Variants in ODAD4 observed in about 807,000 individuals in gnomAD.
ODAD4 encodes outer dynein arm docking complex subunit 4.
ODAD4 carries 49 observed loss-of-function variants against 51.8 expected under a neutral mutation model. That is an observed-to-expected ratio of 0.95 (90% CI 0.75 to 1.20). ODAD4 has a LOEUF of 1.20. Ranked by LOEUF, ODAD4 falls within the 50% of genes most tolerant of loss-of-function variation. The pLI is 0.00. For missense variants in ODAD4, 590 were observed against 586.5 expected (o/e 1.01, Z -0.06); for synonymous variants, 235 against 221.3 (o/e 1.06, Z -0.55).
chr17:41,958,820 T>A (rs576941488), intron 10 of ODAD4, among the ~76,000 whole-genome samples: 8 of 151,542 alleles, frequency 5.3e-5, no homozygotes, highest in African/African-American at 1.9e-4. Flanking sequence ...GTCAGGAGAT[T>A]GAGACCATCC....
intron 6 of ODAD4, 79 bp downstream of exon 6, chr17:41,938,860 C>G (rs985201078): frequency 5.1e-6 from 8 of 1,567,102 alleles, no homozygotes; most frequent in African/African-American, 1.4e-5. Context: ...GGTGTCTGAG[C>G]CCCTGGTCTC....
chr17:41,956,421 G>C (rs1337881881), intron 10 of ODAD4, among the ~76,000 whole-genome samples: 2 of 149,520 alleles, frequency 1.3e-5, no homozygotes, highest in Non-Finnish European at 3.0e-5. Context: ...CCTGACCTTA[G>C]GTGATCTGCC....
intron 2 of ODAD4, 117 bp downstream of exon 2, chr17:41,935,465 T>A: frequency 6.6e-7 from 1 of 1,512,982 alleles, no homozygotes; most frequent in Non-Finnish European, 8.9e-7. Flanking sequence ...CATTTTCTCT[T>A]CCTAGGTCAT....
rs199823863 is a variant in ODAD4 at position 41,936,888 on chromosome 17, G to A, written c.586G>A (p.Val196Met). 1.6e-4 allele frequency: 264 copies of A among 1,613,862 alleles called. No homozygotes were observed. Among genetic ancestry groups the A allele is most frequent in the Non-Finnish European group, 1.5e-4 (178 of 1,179,906 alleles). ...CCGCCAGCTTCTGGGGGAGCTCTAC[G>A]TGGACAAAGAGTATTTGGAGAAGCT... is the stretch of plus-strand genomic sequence containing the variant. The part of the protein sequence containing the change: ...TVRQLLGELY[V>M]DKEYLEKLLL... Residue 196 changes from valine to methionine, a missense_variant, in exon 5 of 12, where the codon GTG (valine) becomes ATG (methionine). Physicochemically the swap from Val to Met is conservative, Grantham distance 21. Around this residue, in one of 3 missense-constraint regions of ODAD4, gnomAD observed 360 missense variants for 407.5 expected, o/e 0.88. Transcript: ENST00000377540.
intron 8 of ODAD4, among the ~76,000 whole-genome samples, chr17:41,947,007 C>T (rs532221146): frequency 5.9e-5 from 9 of 151,968 alleles, no homozygotes; most frequent in African/African-American, 1.7e-4. Flanking sequence ...CCCGCCACCA[C>T]GCCTGGCTAA....
At chr17:41,947,656 G>T (rs2050605872) in intron 8 of ODAD4, among the ~76,000 whole-genome samples, 1 of 148,248 alleles carries the variant, frequency 6.7e-6, no homozygotes, top group African/African-American at 2.5e-5. Flanking sequence ...TTAGCCAGGC[G>T]TGGTGGCACA....
intron 10 of ODAD4, among the ~76,000 whole-genome samples, chr17:41,960,774 T>C (rs1555641597): frequency 6.6e-6 from 1 of 151,824 alleles, no homozygotes; most frequent in Non-Finnish European, 1.5e-5. Flanking sequence ...CACAAGAGAG[T>C]GCATCCAGGC....
chr17:41,939,704 C>G (rs1555638448), intron 7 of ODAD4, among the ~76,000 whole-genome samples: 1 of 152,144 alleles, frequency 6.6e-6, no homozygotes, highest in East Asian at 1.9e-4. Context: ...GTACTTAAGC[C>G]TGGAGAGCAC....
intron 9 of ODAD4, among the ~76,000 whole-genome samples, chr17:41,954,634 C>T (rs2050703407): frequency 6.6e-6 from 1 of 151,962 alleles, no homozygotes; most frequent in Non-Finnish European, 1.5e-5. Context: ...GGTGGATCAC[C>T]TGAGGTCAGG....
rs782737169 is a variant in ODAD4, at chr17:41,945,232, CA to C, written c.1145+12del. The C allele has an allele frequency of 6.2e-6, 10 of 1,603,600 alleles. No individual in the cohort carries two copies. The East Asian group carries it at 2.2e-4, about 36-fold the overall frequency. Reference sequence around the variant, plus strand: ...AGCAAGCCATTGACACGTGAGTGACCAAGAATTGCCTCTTCCCCACCTCCAT... The same window carrying C: ...AGCAAGCCATTGACACGTGAGTGACCAGAATTGCCTCTTCCCCACCTCCAT... On this transcript the variant is annotated intron_variant, in intron 8 of 11. Transcript: ENST00000377540.
rs782182333 is a variant in ODAD4, at chr17:41,936,554, G to A, written c.459+20G>A. The A allele has an allele frequency of 1.2e-6, 2 of 1,607,360 alleles. No homozygotes were observed. Among genetic ancestry groups the A allele is most frequent in the Non-Finnish European group, 1.7e-6 (2 of 1,174,670 alleles). On this transcript the variant is annotated intron_variant, in intron 4 of 11. Transcript: ENST00000377540. Reference sequence around the variant, plus strand: ...GCTGAGGTAAGGGCCCTGGTTCTGTGGTTGTATCCCTCCAAGGGAAGAGGC... The same window carrying A: ...GCTGAGGTAAGGGCCCTGGTTCTGTAGTTGTATCCCTCCAAGGGAAGAGGC...
At chr17:41,955,425 G>T (rs1191009407) in intron 10 of ODAD4, 108 bp downstream of exon 10, 7 of 633,008 alleles carry the variant, frequency 1.1e-5, no homozygotes, top group Non-Finnish European at 2.0e-5. Context: ...CCGTTTTTTT[G>T]TTTGTTTGTT....
chr17:41,948,042 C>T (rs1166109444), intron 8 of ODAD4, among the ~76,000 whole-genome samples: 3 of 150,056 alleles, frequency 2.0e-5, no homozygotes, highest in South Asian at 2.1e-4. Flanking sequence ...CACTTGAACC[C>T]GGGAGGTGGA....
At chr17:41,941,380 C>G (rs2050503101) in intron 7 of ODAD4, among the ~76,000 whole-genome samples, 1 of 152,220 alleles carries the variant, frequency 6.6e-6, no homozygotes. Flanking sequence ...CTGTGCATAT[C>G]CTCCAGCCCC....
intron 8 of ODAD4, 42 bp from the exon 9 acceptor site, chr17:41,949,111 G>GT (rs2050622698): frequency 5.0e-6 from 2 of 398,304 alleles, no homozygotes; most frequent in Admixed American, 4.4e-5. Context: ...CCAGTGCATG[G>GT]TTTTGGGGGA....
At chr17:41,958,307 T>C (rs1437156086) in intron 10 of ODAD4, among the ~76,000 whole-genome samples, 1 of 152,070 alleles carries the variant, frequency 6.6e-6, no homozygotes, top group African/African-American at 2.4e-5. Flanking sequence ...GTTGTGCACT[T>C]GTAATTGCCT....
rs1555638345 is a variant in ODAD4, at chr17:41,939,055, A to G, written c.941A>G (p.Asn314Ser). Reference sequence around the variant, plus strand: ...GAATGGAACAAGGAAGAGGTACCCAACAAGGATGAACTGGTTGGAAACTTG... The same window carrying G: ...GAATGGAACAAGGAAGAGGTACCCAGCAAGGATGAACTGGTTGGAAACTTG... ...VLEWNKEEVP[N>S]KDELVGNLYS... is the part of the protein sequence containing the mutation. Residue 314 changes from asparagine to serine, a missense_variant, in exon 7 of 12, where the codon AAC (asparagine) becomes AGC (serine). Physicochemically the swap from Asn to Ser is conservative, Grantham distance 46 (BLOSUM62 1). This residue lies in a region of ODAD4 where 360 missense variants were observed against 407.5 expected (regional missense o/e 0.88). Transcript: ENST00000377540. The G allele has an allele frequency of 6.2e-7, 1 of 1,613,932 alleles. No homozygotes were observed. Among genetic ancestry groups the G allele is most frequent in the Non-Finnish European group, 8.5e-7 (1 of 1,179,852 alleles).
rs782015536 is a variant in ODAD4 at position 41,936,818 on chromosome 17, G to A, written c.516G>A (p.Lys172=). ...QPMKHLLHPT[K]GEPKWKASLK... ...TGAAACACCTCTTACACCCCACCAA[G>A]GGAGAGCCCAAGTGGAAGGCCTCGC... Residue 172 remains lysine (K), a synonymous_variant, in exon 5 of 12, where the codon AAG becomes AAA. Transcript: ENST00000377540. 3.7e-6 allele frequency: 6 copies of A among 1,613,988 alleles called. No homozygotes were observed. The Admixed American group carries it at 8.3e-5, about 22-fold the overall frequency.
chr17:41,935,450 G>T, intron 2 of ODAD4, 102 bp downstream of exon 2: 3 of 1,527,488 alleles, frequency 2.0e-6, no homozygotes, highest in South Asian at 1.3e-5. Context: ...CCTAGTGTTT[G>T]ATGCCATTTT....
Sources: gnomAD v4.1 joint callset for allele counts (sites outside exome capture counted in the v4.1 genomes callset) on GRCh38, gnomAD v4.1.1 for gene constraint, gnomAD v4.1.1 regional missense constraint, MANE v1.5 for transcripts, NCBI Gene and HGNC (gene_info 2026-07-23, HGNC 2026-07-21) for gene names.